Variants in RALGPS1 observed in about 807,000 individuals in gnomAD.
RALGPS1 encodes the protein Ral GEF with PH domain and SH3 binding motif 1.
RALGPS1 carries 19 observed loss-of-function variants against 78.8 expected under a neutral mutation model. The ratio of observed to expected loss-of-function variants is 0.24; its 90% CI spans 0.17 to 0.35. The LOEUF is 0.35. Ranked by LOEUF, RALGPS1 falls within the 10% of genes least tolerant of loss-of-function variation. The probability of loss-of-function intolerance (pLI) is 1.00; values close to 1 mark genes in which losing one functional copy is unlikely to be tolerated. For missense variants in RALGPS1, 454 were observed against 688.3 expected, an observed-to-expected ratio of 0.66 and a Z score of 3.81; for synonymous variants, 228 against 256.3, an observed-to-expected ratio of 0.89 and a Z score of 1.06.
intron 4 of RALGPS1, among the ~76,000 whole-genome samples, chr9:127,008,641 C>G (rs1459295449): frequency 6.6e-6 from 1 of 152,160 alleles, no homozygotes; most frequent in Non-Finnish European, 1.5e-5. Context: ...TGGTGATATC[C>G]TGGTTAGTAG....
At chr9:127,011,231 G>A (rs983614159) in intron 4 of RALGPS1, among the ~76,000 whole-genome samples, 1 of 152,012 alleles carries the variant, frequency 6.6e-6, no homozygotes, top group African/African-American at 2.4e-5. Context: ...AGGCTGGAGT[G>A]CAGTGGCGTG....
intron 9 of RALGPS1, among the ~76,000 whole-genome samples, chr9:127,168,326 C>T (rs191392560): frequency 2.0e-5 from 3 of 152,326 alleles, no homozygotes; most frequent in South Asian, 2.1e-4. Flanking sequence ...AGGGCACAGA[C>T]ACCTGGCTCT....
intron 8 of RALGPS1, 45 bp downstream of exon 8, chr9:127,069,401 G>C (rs552199602): frequency 6.3e-7 from 1 of 1,596,832 alleles, no homozygotes; most frequent in African/African-American, 1.4e-5. Flanking sequence ...AACCTACTCG[G>C]TGCCAAATAA....
At chr9:126,974,458 G>A (rs1232855918) in intron 3 of RALGPS1, among the ~76,000 whole-genome samples, 1 of 152,134 alleles carries the variant, frequency 6.6e-6, no homozygotes, top group African/African-American at 2.4e-5. Context: ...TACATTTAAG[G>A]TTGAGGCTGG....
intron 7 of RALGPS1, among the ~76,000 whole-genome samples, chr9:127,057,767 G>T (rs960702884): frequency 2.6e-5 from 4 of 152,184 alleles, no homozygotes; most frequent in African/African-American, 9.7e-5. Context: ...CAAATGTCAG[G>T]CCCTGAAGCC....
At chr9:127,058,519 T>C (rs1408416130) in intron 7 of RALGPS1, among the ~76,000 whole-genome samples, 2 of 151,958 alleles carry the variant, frequency 1.3e-5, no homozygotes, top group African/African-American at 4.8e-5. Context: ...CAGGCTGATA[T>C]CGGATATGTT....
At chr9:127,004,493 C>T (rs886643516) in intron 4 of RALGPS1, among the ~76,000 whole-genome samples, 3 of 152,156 alleles carry the variant, frequency 2.0e-5, no homozygotes. Context: ...TATATTAAGG[C>T]ATTGTTCTAC....
chr9:126,947,119 A>T (rs1362999858), intron 1 of RALGPS1, among the ~76,000 whole-genome samples: 2 of 152,156 alleles, frequency 1.3e-5, no homozygotes, highest in Non-Finnish European at 2.9e-5. Context: ...TCCCCTTCAA[A>T]TTGATTCTTG....
chr9:127,016,238 G>T (rs2044813234), intron 4 of RALGPS1, among the ~76,000 whole-genome samples: 1 of 151,982 alleles, frequency 6.6e-6, no homozygotes, highest in African/African-American at 2.4e-5. Flanking sequence ...CTCTCCATTT[G>T]CCCTCGAAAC....
chr9:127,031,529 T>C (rs1209638303), intron 4 of RALGPS1, among the ~76,000 whole-genome samples: 2 of 152,204 alleles, frequency 1.3e-5, no homozygotes, highest in Admixed American at 6.5e-5. Flanking sequence ...GCCCCGCATG[T>C]CACCTCCCTT....
rs11375987 is a variant in RALGPS1 at position 127,191,700 on chromosome 9, G to GTT, written c.911-3377_911-3376dup. On this transcript the variant is annotated intron_variant, in intron 11 of 18. Coordinates refer to ENST00000259351, the MANE Select transcript of RALGPS1 (RefSeq NM_014636.3). ...GTTTTTGTTTTTTGGGTTTTTTTTT[G>GTT]TTTTTTTTTTTTTTTGAGATGGAGT... is the stretch of plus-strand genomic sequence containing the variant. Among the ~76,000 whole-genome samples, 792 of 125,466 alleles carry GTT rather than the reference G, an allele frequency of 6.3e-3. 17 individuals carry two copies. Among genetic ancestry groups the GTT allele is most frequent in the South Asian group, 0.012 (47 of 3,912 alleles). 82.3% of individuals were successfully genotyped at this position (125,466 alleles called of 152,430 possible). A position where few individuals can be genotyped will look rare whatever the true frequency, so the allele number is the denominator to read the frequency against.
intron 11 of RALGPS1, chr9:127,177,749 A>G: frequency 7.0e-7 from 1 of 1,420,996 alleles, no homozygotes; most frequent in South Asian, 1.2e-5. Context: ...GCAGGAAAGG[A>G]GGCACTGCAT....
At chr9:127,139,943 G>A (rs2057655267) in intron 8 of RALGPS1, among the ~76,000 whole-genome samples, 1 of 152,248 alleles carries the variant, frequency 6.6e-6, no homozygotes, top group African/African-American at 2.4e-5. Flanking sequence ...CGTGCCACCC[G>A]CCCATGCCAG....
chr9:127,156,778 G>A (rs972836012), intron 8 of RALGPS1, among the ~76,000 whole-genome samples: 7 of 151,846 alleles, frequency 4.6e-5, no homozygotes, highest in African/African-American at 1.5e-4. Context: ...ATGGTTTTGG[G>A]TCTTATGTCA....
In RALGPS1 at chr9:127,119,489, G is replaced by A. The variant is rs934376627; in HGVS notation, c.611-46580G>A. 1.7e-4 allele frequency among the ~76,000 whole-genome samples: 26 copies of A among 152,234 alleles called. 1 individual carries two copies. The highest frequency in any genetic ancestry group is 5.5e-4 in the African/African-American group (23 of 41,468). The stretch of plus-strand genomic sequence containing the variant: ...TGGAGCCAGACAGAGCTGGGTTCCA[G>A]TCCCACATAATCACATAACTGTGTG... On this transcript the variant is annotated intron_variant, in intron 8 of 18. Coordinates refer to ENST00000259351, the MANE Select transcript of RALGPS1 (RefSeq NM_014636.3).
At chr9:126,924,283 G>C (rs577733778) in intron 1 of RALGPS1, among the ~76,000 whole-genome samples, 11 of 152,354 alleles carry the variant, frequency 7.2e-5, no homozygotes, top group Non-Finnish European at 1.0e-4. Flanking sequence ...TGACTGTATA[G>C]GAAAAGGATG....
intron 1 of RALGPS1, among the ~76,000 whole-genome samples, chr9:126,916,061 A>G (rs1306543268): frequency 6.6e-6 from 1 of 152,188 alleles, no homozygotes; most frequent in Non-Finnish European, 1.5e-5. Flanking sequence ...TGTGCCTCCC[A>G]GGGGCCTGGT....
chr9:127,177,827 C>G, intron 11 of RALGPS1: 1 of 1,545,110 alleles, frequency 6.5e-7, no homozygotes, highest in Non-Finnish European at 8.7e-7. Context: ...AGCCCTGGCC[C>G]AGCCTCCTCA....
chr9:127,020,148 T>C (rs1345091585), intron 4 of RALGPS1, among the ~76,000 whole-genome samples: 1 of 152,228 alleles, frequency 6.6e-6, no homozygotes. Flanking sequence ...GAATTATGTA[T>C]TCTTCAAAAG....
Sources: allele counts gnomAD v4.1 joint callset (sites outside exome capture counted in the v4.1 genomes callset), GRCh38; gene constraint gnomAD v4.1.1; transcripts MANE v1.5; gene names NCBI Gene and HGNC (gene_info 2026-07-23, HGNC 2026-07-21).